Variants in UBR2 observed in about 807,000 individuals in gnomAD.
UBR2 encodes ubiquitin protein ligase E3 component n-recognin 2, also known as E3 ubiquitin-protein ligase UBR2.
UBR2 carries 92 observed loss-of-function variants against 247.9 expected under a neutral mutation model. The observed-to-expected ratio is 0.37, with a 90% CI of 0.31 to 0.44. The LOEUF is 0.44. UBR2 is among the 20% of genes least tolerant of loss of function. UBR2 has a pLI of 1.00. For synonymous variants in UBR2, 672 were observed against 693.5 expected (o/e 0.97, Z 0.49); for missense variants, 1,613 against 2,112.6 (o/e 0.76, Z 4.64).
chr6:42,658,544 G>T, intron 28 of UBR2, 102 bp from the exon 29 acceptor site: 2 of 1,218,858 alleles, frequency 1.6e-6, no homozygotes, highest in African/African-American at 1.7e-5. Context: ...TGAGATTATA[G>T]AATAGTTTTT....
chr6:42,673,353 G>A (rs1798550392), intron 36 of UBR2, among the ~76,000 whole-genome samples: 1 of 152,044 alleles, frequency 6.6e-6, no homozygotes, highest in Non-Finnish European at 1.5e-5. Context: ...ATAGAGTCTC[G>A]CTCTGTTTTC....
At chr6:42,611,855 C>T (rs1252233229) in intron 7 of UBR2, among the ~76,000 whole-genome samples, 2 of 148,004 alleles carry the variant, frequency 1.4e-5, no homozygotes, top group African/African-American at 2.5e-5. Flanking sequence ...TGCGGTGAGC[C>T]GAGATTGCTC....
intron 8 of UBR2, among the ~76,000 whole-genome samples, chr6:42,613,615 A>G (rs1044685391): frequency 3.3e-5 from 5 of 151,814 alleles, no homozygotes; most frequent in African/African-American, 9.7e-5. Context: ...TCTTAGTCCT[A>G]TGTTCTTTAT....
intron 1 of UBR2, among the ~76,000 whole-genome samples, chr6:42,566,725 G>GTT (rs5875813): frequency 1.6e-3 from 233 of 149,846 alleles, no homozygotes; most frequent in Middle Eastern, 3.5e-3. Context: ...TGAACAATAA[G>GTT]TTTTTTTTTT....
intron 4 of UBR2, 25 bp from the exon 5 acceptor site, chr6:42,603,563 C>CT (rs770992428): frequency 3.3e-5 from 50 of 1,521,764 alleles, no homozygotes; most frequent in East Asian, 9.8e-5. Context: ...TTTTCTTTTT[C>CT]TTTTTTTTCT....
chr6:42,592,607 AAATTCAGGTATG>A (rs1225333359), intron 3 of UBR2, among the ~76,000 whole-genome samples: 1 of 152,160 alleles, frequency 6.6e-6, no homozygotes, highest in Non-Finnish European at 1.5e-5. Flanking sequence ...GTACTTTTCA[AAATTCAGGTATG>A]TTTGTTTGCT....
chr6:42,615,023 T>G (rs982580905), intron 8 of UBR2, 48 bp from the exon 9 acceptor site: 3 of 1,500,996 alleles, frequency 2.0e-6, no homozygotes, highest in Non-Finnish European at 2.8e-6. Context: ...TGTCACTATT[T>G]TAATATTTGA....
chr6:42,616,535 A>C (rs940239768), intron 10 of UBR2, among the ~76,000 whole-genome samples: 2 of 152,068 alleles, frequency 1.3e-5, no homozygotes, highest in African/African-American at 4.8e-5. Context: ...GATCCAAATT[A>C]AATAGCCTGT....
At position 42,602,759 on chromosome 6, in the gene UBR2, TGC is replaced by T. The variant is rs200024682; in HGVS notation, c.532-827_532-826del. ...CTATGTTTTATTTTTATGCTGTGTGTGCGTGTGTGTGTGTGTGTGTGTATTTA... is the reference window on the plus strand; with the variant it reads ...CTATGTTTTATTTTTATGCTGTGTGTGTGTGTGTGTGTGTGTGTGTATTTA... On this transcript the variant is annotated intron_variant, in intron 4 of 46. Coordinates refer to ENST00000372901, the MANE Select transcript of UBR2 (RefSeq NM_001363705.2). 9.7e-3 allele frequency among the ~76,000 whole-genome samples: 1,169 copies of T among 119,944 alleles called. 19 individuals are homozygous for T. Among genetic ancestry groups the T allele is most frequent in the African/African-American group, 0.034 (1,057 of 30,902 alleles). The allele number at this position is 119,944 out of a possible 152,430, so 78.7% of individuals were successfully genotyped here. A position where few individuals can be genotyped will look rare whatever the true frequency, so the allele number is the denominator to read the frequency against.
intron 22 of UBR2, among the ~76,000 whole-genome samples, chr6:42,648,855 A>G (rs1226902150): frequency 6.6e-6 from 1 of 152,206 alleles, no homozygotes; most frequent in Non-Finnish European, 1.5e-5. Context: ...TATTTATAAC[A>G]AAAAATGGGT....
intron 11 of UBR2, among the ~76,000 whole-genome samples, chr6:42,627,564 C>T (rs1490763838): frequency 6.6e-6 from 1 of 152,074 alleles, no homozygotes; most frequent in Non-Finnish European, 1.5e-5. Context: ...GTGGTGCAAT[C>T]GTGGCCCACT....
At chr6:42,606,383 TC>T (rs1409231331) in intron 6 of UBR2, among the ~76,000 whole-genome samples, 3 of 152,232 alleles carry the variant, frequency 2.0e-5, no homozygotes, top group African/African-American at 7.2e-5. Flanking sequence ...AATGTTTTGT[TC>T]AAGGAAATAT....
chr6:42,679,090 TG>T (rs1266123761), intron 41 of UBR2, among the ~76,000 whole-genome samples: 1 of 152,254 alleles, frequency 6.6e-6, no homozygotes, highest in Non-Finnish European at 1.5e-5. Flanking sequence ...GATTTTAATC[TG>T]GGAATTGATT....
At chr6:42,667,205 G>T (rs900663622) in intron 34 of UBR2, among the ~76,000 whole-genome samples, 1 of 152,028 alleles carries the variant, frequency 6.6e-6, no homozygotes, top group Non-Finnish European at 1.5e-5. Context: ...GCGTGGTGGT[G>T]CACGCTTGTA....
chr6:42,566,428 A>G (rs1790781992), intron 1 of UBR2, among the ~76,000 whole-genome samples: 1 of 152,322 alleles, frequency 6.6e-6, no homozygotes, highest in South Asian at 2.1e-4. Flanking sequence ...CTCTGTCGCC[A>G]GGCTGGAGTG....
intron 25 of UBR2, 77 bp from the exon 26 acceptor site, chr6:42,655,541 ATTC>A: frequency 1.3e-6 from 1 of 768,280 alleles, no homozygotes; most frequent in South Asian, 2.0e-5. Flanking sequence ...TTTTTCAATA[ATTC>A]TTTTTTCCTA....
chr6:42,662,857 T>C (rs985708783), intron 31 of UBR2, among the ~76,000 whole-genome samples: 2 of 151,896 alleles, frequency 1.3e-5, no homozygotes, highest in Non-Finnish European at 2.9e-5. Context: ...ATTGCTTGAA[T>C]GTGGGAGGTG....
At chr6:42,612,108 C>T (rs924564002) in intron 7 of UBR2, 63 bp from the exon 8 acceptor site, 2 of 1,411,348 alleles carry the variant, frequency 1.4e-6, no homozygotes, top group African/African-American at 1.4e-5. Context: ...AAAATAATAA[C>T]TTTGTTCTGC....
At chr6:42,607,555 C>T (rs962692029) in intron 7 of UBR2, among the ~76,000 whole-genome samples, 2 of 151,746 alleles carry the variant, frequency 1.3e-5, no homozygotes, top group African/African-American at 4.8e-5. Flanking sequence ...TACTCTGTCA[C>T]CCAGGCTGGG....
Sources: gnomAD v4.1 joint callset for allele counts (sites outside exome capture counted in the v4.1 genomes callset) on GRCh38, gnomAD v4.1.1 for gene constraint, MANE v1.5 for transcripts, NCBI Gene and HGNC (gene_info 2026-07-23, HGNC 2026-07-21) for gene names.